Variants in ZNF536 observed in about 807,000 individuals in gnomAD.
ZNF536 encodes zinc finger protein 536.
Under a neutral mutation model 84.5 loss-of-function variants are expected in ZNF536, and 13 were observed. That is an observed-to-expected ratio of 0.15 (90% CI 0.10 to 0.24). The LOEUF is 0.24. Ranked by LOEUF, ZNF536 falls within the 10% of genes least tolerant of loss-of-function variation. ZNF536 has a pLI of 1.00. For missense variants in ZNF536, 1,536 were observed against 1,747.5 expected, an observed-to-expected ratio of 0.88 and a Z score of 2.16; for synonymous variants, 811 against 742.5, an observed-to-expected ratio of 1.09 and a Z score of -1.50.
At chr19:30,349,303 G>A (rs1341361514) in intron 2 of ZNF536, among the ~76,000 whole-genome samples, 1 of 152,208 alleles carries the variant, frequency 6.6e-6, no homozygotes, top group African/African-American at 2.4e-5. Context: ...AGGCTGGCCT[G>A]GGGCACCTGT....
chr19:30,372,596 G>C (rs913869006), intron 1 of ZNF536, 40 bp downstream of exon 1: 1 of 152,124 alleles, frequency 6.6e-6, no homozygotes, highest in Non-Finnish European at 1.5e-5. Context: ...GTGAGTGTGT[G>C]CAAGTGTGTG....
chr19:30,325,793 C>T (rs567078161), intron 2 of ZNF536, among the ~76,000 whole-genome samples: 1 of 152,300 alleles, frequency 6.6e-6, no homozygotes, highest in South Asian at 2.1e-4. Context: ...TGAGTACCTC[C>T]AGATGTGCCC....
At position 30,398,694 on chromosome 19, in the gene ZNF536, C is replaced by A. The variant is rs111560369; in HGVS notation, c.-3+26138C>A. ...TGAGAATGATGGTTTTCAGCTTCAT[C>A]CATGTCCCTGCAAAGGACATGATCA... On this transcript the variant is annotated intron_variant, in intron 1 of 4. Coordinates refer to ENST00000355537, the MANE Select transcript of ZNF536 (RefSeq NM_014717.3). 5.6e-3 allele frequency among the ~76,000 whole-genome samples: 845 copies of A among 151,994 alleles called. 9 individuals are homozygous for A. The highest frequency in any genetic ancestry group is 0.019 in the African/African-American group (793 of 41,500).
chr19:30,227,633 G>A (rs993890951), upstream of ZNF536, among the ~76,000 whole-genome samples: 1 of 151,986 alleles, frequency 6.6e-6, no homozygotes, highest in African/African-American at 2.4e-5. Flanking sequence ...CGTGTGCGCG[G>A]GTGGGAGCCG....
chr19:30,249,321 T>C (rs545672016), intron 1 of ZNF536, among the ~76,000 whole-genome samples: 27 of 118,096 alleles, frequency 2.3e-4, no homozygotes, highest in African/African-American at 8.7e-4. Context: ...TATTATAATA[T>C]AAACAGGAAA....
intron 1 of ZNF536, among the ~76,000 whole-genome samples, chr19:30,629,810 C>T (rs924039940): frequency 1.3e-5 from 2 of 152,194 alleles, no homozygotes; most frequent in African/African-American, 2.4e-5. Context: ...CTTCTGGGGC[C>T]GGGCAGGGGA....
intron 2 of ZNF536, among the ~76,000 whole-genome samples, chr19:30,325,661 A>G (rs1681330604): frequency 6.6e-6 from 1 of 152,186 alleles, no homozygotes. Flanking sequence ...TGAGGGGAGC[A>G]CAGAACCTTA....
chr19:30,549,458 A>G lies in ZNF536; in HGVS notation c.3839A>G (p.Asn1280Ser), dbSNP rs2045691449. The change falls in exon 4 of 5, where the codon AAC (asparagine) becomes AGC (serine). Residue 1280 changes from asparagine (N) to serine (S), a missense_variant. Around this residue, in one of 8 missense-constraint regions of ZNF536, gnomAD observed 624 missense variants for 603.1 expected, o/e 1.03. Transcript: ENST00000355537. ...AGTTCTGATGGCTTAGCAGCCTTTA[A>G]CGGACTTGCAAGTAGCACAGCAAAT... is the stretch of plus-strand genomic sequence containing the variant. ...AYSSDGLAAF[N>S]GLASSTANSG... The G allele has an allele frequency of 6.6e-7, 1 of 1,524,822 alleles. No homozygotes were observed. The highest frequency in any genetic ancestry group is 8.8e-7 in the Non-Finnish European group (1 of 1,136,970). 94.5% of individuals were successfully genotyped at this position (1,524,822 alleles called of 1,614,324 possible).
intron 1 of ZNF536, among the ~76,000 whole-genome samples, chr19:30,422,656 A>T (rs1440339247): frequency 6.6e-6 from 1 of 152,144 alleles, no homozygotes; most frequent in Non-Finnish European, 1.5e-5. Context: ...TCATTTGCCC[A>T]TTCCATCTAT....
chr19:30,549,902 A>C (rs181740370), intron 4 of ZNF536, among the ~76,000 whole-genome samples: 1 of 152,350 alleles, frequency 6.6e-6, no homozygotes, highest in East Asian at 1.9e-4. Flanking sequence ...TATGCAAAAG[A>C]TGCCTAAAGA....
At position 30,458,447 on chromosome 19, in the gene ZNF536, G is replaced by GTTTTTTTTTTTTTTTTTTT. The variant is rs3084731; in HGVS notation, c.2170+12720_2170+12738dup. 1.8e-4 allele frequency among the ~76,000 whole-genome samples: 15 copies of GTTTTTTTTTTTTTTTTTTT among 83,490 alleles called. 2 individuals are homozygous for GTTTTTTTTTTTTTTTTTTT. Among genetic ancestry groups the GTTTTTTTTTTTTTTTTTTT allele is most frequent in the African/African-American group, 8.4e-4 (15 of 17,924 alleles). The allele number at this position is 83,490 out of a possible 152,430, so 54.8% of individuals were successfully genotyped here. ...CCAAGTATTTCCTCAATTTCCTGCTGTTTTTTTTTTTTTTTTTTTTTTTGA... is the reference window on the plus strand; with the variant it reads ...CCAAGTATTTCCTCAATTTCCTGCTGTTTTTTTTTTTTTTTTTTTTTTTTTTTTTTTTTTTTTTTTTTGA... On this transcript the variant is annotated intron_variant, in intron 2 of 4. Coordinates refer to ENST00000355537, the MANE Select transcript of ZNF536 (RefSeq NM_014717.3).
chr19:30,424,286 T>C (rs1600676645), intron 1 of ZNF536, among the ~76,000 whole-genome samples: 1 of 152,116 alleles, frequency 6.6e-6, no homozygotes, highest in East Asian at 1.9e-4. Context: ...GGGTGCCTGG[T>C]CACTCTGGGC....
chr19:30,397,789 C>T (rs1375700258), intron 1 of ZNF536, among the ~76,000 whole-genome samples: 1 of 152,098 alleles, frequency 6.6e-6, no homozygotes, highest in Non-Finnish European at 1.5e-5. Context: ...TCTGAAAAGA[C>T]CCTCATCCCT....
At chr19:30,315,580 G>T (rs2046652312) in intron 2 of ZNF536, among the ~76,000 whole-genome samples, 1 of 152,174 alleles carries the variant, frequency 6.6e-6, no homozygotes, top group African/African-American at 2.4e-5. Flanking sequence ...AGCCTGAAGG[G>T]TTTCGTGTTT....
chr19:30,378,144 C>T (rs1289219252), intron 1 of ZNF536, among the ~76,000 whole-genome samples: 2 of 152,078 alleles, frequency 1.3e-5, no homozygotes, highest in African/African-American at 4.8e-5. Context: ...GCCTGGATGC[C>T]CTAACCAAGT....
chr19:30,623,247 C>T (rs1487866846), intron 1 of ZNF536, among the ~76,000 whole-genome samples: 1 of 152,140 alleles, frequency 6.6e-6, no homozygotes, highest in Non-Finnish European at 1.5e-5. Flanking sequence ...TGGGCCTAGA[C>T]CAGGAACAGC....
At chr19:30,377,155 T>A (rs8112002) in intron 1 of ZNF536, among the ~76,000 whole-genome samples, 2,607 of 152,220 alleles carry the variant, frequency 0.017, 76 homozygotes, top group African/African-American at 0.057. Context: ...TCTCCAGACT[T>A]GCCCACTAGA....
At chr19:30,405,948 T>C (rs992189703) in intron 1 of ZNF536, among the ~76,000 whole-genome samples, 4 of 152,116 alleles carry the variant, frequency 2.6e-5, no homozygotes, top group Admixed American at 1.3e-4. Flanking sequence ...CAGATAATTT[T>C]TGTATTTTTC....
At chr19:30,389,320 G>A (rs905600935) in intron 1 of ZNF536, among the ~76,000 whole-genome samples, 6 of 152,112 alleles carry the variant, frequency 3.9e-5, no homozygotes, top group Non-Finnish European at 8.8e-5. Context: ...CTGGGAGGGC[G>A]AGCACTTGCA....
Sources: allele counts gnomAD v4.1 joint callset (sites outside exome capture counted in the v4.1 genomes callset), GRCh38; gene constraint gnomAD v4.1.1; regional missense constraint gnomAD v4.1.1; transcripts MANE v1.5; gene names NCBI Gene and HGNC (gene_info 2026-07-23, HGNC 2026-07-21).